SNRPN: variants seen among roughly 807,000 people sequenced by gnomAD.
SNRPN encodes the protein small nuclear ribonucleoprotein polypeptide N.
A neutral mutation model predicts 25.2 loss-of-function variants in SNRPN; 7 were observed. The observed-to-expected ratio is 0.28, with a 90% CI of 0.16 to 0.52. SNRPN has a LOEUF of 0.52. Among genes scored for constraint, SNRPN ranks in the 20% least tolerant of loss-of-function variants. The probability of loss-of-function intolerance (pLI) is 0.96; values close to 1 mark genes in which losing one functional copy is unlikely to be tolerated. For synonymous variants in SNRPN, 124 were observed against 110.6 expected (o/e 1.12, Z -0.76); for missense variants, 196 against 322.5 (o/e 0.61, Z 3.00).
intron 1 of SNRPN, among the ~76,000 whole-genome samples, chr15:24,868,870 C>T (rs12902043): frequency 0.21 from 32,040 of 151,940 alleles, 3,712 homozygotes; most frequent in East Asian, 0.35. Context: ...GGTGCAATAG[C>T]TCACACCGGT....
intron 2 of SNRPN, chr15:24,829,954 C>G (rs907479483): frequency 6.6e-6 from 1 of 152,170 alleles, no homozygotes; most frequent in Non-Finnish European, 1.5e-5. Context: ...GCTACACGGG[C>G]AAGGCAGGCA....
chr15:24,857,524 C>A (rs1387976099), intron 1 of SNRPN, among the ~76,000 whole-genome samples: 1 of 151,744 alleles, frequency 6.6e-6, no homozygotes, highest in African/African-American at 2.4e-5. Flanking sequence ...AAATTACAGT[C>A]CTTATTGATT....
rs1566908832 is a variant in SNRPN at position 24,918,444 on chromosome 15, G to GCA, written c.-504-1567_-504-1566insCA. 1.5e-4 allele frequency among the ~76,000 whole-genome samples: 17 copies of GCA among 116,140 alleles called. 1 individual carries two copies. The highest frequency in any genetic ancestry group is 4.8e-4 in the East Asian group (2 of 4,174). 76.2% of individuals were successfully genotyped at this position (116,140 alleles called of 152,430 possible). On this transcript the variant is annotated intron_variant, in intron 2 of 11. Transcript: ENST00000400097. Reference sequence around the variant, plus strand: ...TGTATATATAACATAATATATATGTGTATATATATAACATAATATATATGT... The same window carrying GCA: ...TGTATATATAACATAATATATATGTGCATATATATATAACATAATATATATGT...
At chr15:24,841,756 C>T (rs2051725493) in intron 2 of SNRPN, among the ~76,000 whole-genome samples, 1 of 152,194 alleles carries the variant, frequency 6.6e-6, no homozygotes, top group South Asian at 2.1e-4. Flanking sequence ...GAGCCTGACT[C>T]TTCCCATCTT....
chr15:24,973,297 C>G (rs1297342609), intron 3 of SNRPN, among the ~76,000 whole-genome samples: 1 of 152,180 alleles, frequency 6.6e-6, no homozygotes, highest in Non-Finnish European at 1.5e-5. Flanking sequence ...GTATAGTAGA[C>G]TCTGTGTATC....
At position 24,932,282 on chromosome 15, in the gene SNRPN, T is replaced by A. The variant is rs547065677; in HGVS notation, c.-391+12158T>A. ...GGAGTTTTGCTCTTGTTGCCCAGGC[T>A]GAAGTGCAATGGTGCGATCTTGGCT... On this transcript the variant is annotated intron_variant, in intron 3 of 11. Coordinates refer to the SNRPN transcript ENST00000400097. Among the ~76,000 whole-genome samples, 9 of 152,348 alleles carry A rather than the reference T, an allele frequency of 5.9e-5. No individual in the cohort carries two copies. In the South Asian group the frequency reaches 1.9e-3, roughly 32 times the overall value.
intron 3 of SNRPN, among the ~76,000 whole-genome samples, chr15:24,924,183 G>C (rs1048321239): frequency 6.6e-6 from 1 of 151,788 alleles, no homozygotes; most frequent in Non-Finnish European, 1.5e-5. Context: ...ATTAGATATG[G>C]ACACAGGGAC....
chr15:24,927,944 T>C (rs2060528515), intron 3 of SNRPN, among the ~76,000 whole-genome samples: 1 of 152,222 alleles, frequency 6.6e-6, no homozygotes. Flanking sequence ...GTGTTTACTA[T>C]TGTGGTCGTC....
intron 2 of SNRPN, among the ~76,000 whole-genome samples, chr15:24,966,354 C>T (rs1245508849): frequency 2.0e-5 from 3 of 152,190 alleles, no homozygotes; most frequent in Admixed American, 2.0e-4. Flanking sequence ...CACAAATCTT[C>T]CCTGTCCTCA....
rs1301190870 is a variant in SNRPN, at chr15:24,872,779, G to A, written c.-578-13737G>A. Among the ~76,000 whole-genome samples the A allele has an allele frequency of 3.7e-5, 4 of 108,564 alleles. 2 individuals are homozygous for A. The highest frequency in any genetic ancestry group is 7.8e-5 in the Non-Finnish European group (4 of 51,018). The allele number at this position is 108,564 out of a possible 152,430, so 71.2% of individuals were successfully genotyped here. A position where few individuals can be genotyped will look rare whatever the true frequency, so the allele number is the denominator to read the frequency against. Reference sequence around the variant, plus strand: ...AAAAAAAAAAAAAAAGCTGGGTGCGGTGGCTTACGCCTGTAATCCCAGCAC... The same window carrying A: ...AAAAAAAAAAAAAAAGCTGGGTGCGATGGCTTACGCCTGTAATCCCAGCAC... On this transcript the variant is annotated intron_variant, in intron 1 of 11. Transcript: ENST00000400097.
At chr15:24,959,369 A>G (rs1025802764) in intron 1 of SNRPN, among the ~76,000 whole-genome samples, 3 of 152,176 alleles carry the variant, frequency 2.0e-5, no homozygotes, top group East Asian at 1.9e-4. Context: ...GCTCATGTCT[A>G]TAGTCCCAGC....
At position 24,956,857 on chromosome 15, in the gene SNRPN, C is replaced by G. The variant is rs577352618; in HGVS notation, c.-391+1795C>G. The stretch of plus-strand genomic sequence containing the variant: ...TGTGTGGGATGGCAGCTGCACTGGG[C>G]TACTGCTTTTCAGCTCTGCAGTAAA... On this transcript the variant is annotated intron_variant, in intron 1 of 9. Coordinates refer to ENST00000390687, the MANE Select transcript of SNRPN (RefSeq NM_003097.6). 5.9e-5 allele frequency among the ~76,000 whole-genome samples: 9 copies of G among 152,284 alleles called. No homozygotes were observed. In the South Asian group the frequency reaches 1.5e-3, roughly 25 times the overall value.
intron 2 of SNRPN, among the ~76,000 whole-genome samples, chr15:24,836,440 T>C (rs1234747783): frequency 6.6e-6 from 1 of 151,646 alleles, no homozygotes. Context: ...AGACGGAGCC[T>C]CACTTCTGTT....
At chr15:24,928,587 C>T (rs1446945117) in intron 3 of SNRPN, among the ~76,000 whole-genome samples, 1 of 152,050 alleles carries the variant, frequency 6.6e-6, no homozygotes, top group Non-Finnish European at 1.5e-5. Context: ...TGTCATTCTA[C>T]AGTGCTGCAG....
At chr15:24,868,040 C>T (rs2054743065) in intron 1 of SNRPN, among the ~76,000 whole-genome samples, 1 of 151,380 alleles carries the variant, frequency 6.6e-6, no homozygotes, top group Non-Finnish European at 1.5e-5. Context: ...TTGTTAAAAA[C>T]AAAAATTGTA....
At chr15:24,855,791 C>CAAA (rs56081812), upstream of SNRPN, among the ~76,000 whole-genome samples, 173 of 71,934 alleles carry the variant, frequency 2.4e-3, 1 homozygote, top group African/African-American at 8.3e-3. Flanking sequence ...GAATCTGTCT[C>CAAA]AAAAAAAAAA....
In SNRPN at chr15:24,871,862, G is replaced by T. The variant is rs796584711; in HGVS notation, c.-578-14654G>T. 1.0e-3 allele frequency among the ~76,000 whole-genome samples: 119 copies of T among 119,560 alleles called. 17 individuals carry two copies. The highest frequency in any genetic ancestry group is 3.3e-3 in the African/African-American group (117 of 35,174). The allele number at this position is 119,560 out of a possible 152,430, so 78.4% of individuals were successfully genotyped here. ...TGGGACTACAGGCGCCCACCACCAC[G>T]CCTGGCTAATTTTTTTGTACTTTTA... On this transcript the variant is annotated intron_variant, in intron 1 of 11. Transcript: ENST00000400097.
chr15:24,874,309 C>CAAAAAAA (rs199834006), intron 1 of SNRPN, among the ~76,000 whole-genome samples: 2 of 61,432 alleles, frequency 3.3e-5, no homozygotes, highest in Admixed American at 2.3e-4. Flanking sequence ...GACTCTGTCT[C>CAAAAAAA]AAAAAAAAAA....
intron 2 of SNRPN, among the ~76,000 whole-genome samples, chr15:24,833,001 A>T (rs1475909943): frequency 7.0e-6 from 1 of 143,810 alleles, no homozygotes; most frequent in African/African-American, 2.6e-5. Flanking sequence ...GCTACTCGGG[A>T]GGCTGAGGCA....
Sources: gnomAD v4.1 joint callset for allele counts (sites outside exome capture counted in the v4.1 genomes callset) on GRCh38, gnomAD v4.1.1 for gene constraint, MANE v1.5 for transcripts, NCBI Gene and HGNC (gene_info 2026-07-23, HGNC 2026-07-21) for gene names.